The following RNF180 variants were observed in gnomAD, a reference collection of about 807,000 sequenced individuals.
The protein encoded by RNF180 is ring finger protein 180.
A neutral mutation model predicts 59.2 loss-of-function variants in RNF180; 38 were observed. That is an observed-to-expected ratio of 0.64 (90% CI 0.50 to 0.84). The LOEUF is 0.84. Among genes scored for constraint, RNF180 ranks in the 40% least tolerant of loss-of-function variants. RNF180 has a pLI of 0.00. For missense variants in RNF180, 705 were observed against 700.9 expected, an observed-to-expected ratio of 1.01 and a Z score of -0.07; for synonymous variants, 262 against 240.3, an observed-to-expected ratio of 1.09 and a Z score of -0.84.
intron 2 of RNF180, among the ~76,000 whole-genome samples, chr5:64,209,535 T>C (rs537791602): frequency 1.4e-5 from 2 of 146,062 alleles, no homozygotes; most frequent in Admixed American, 7.0e-5. Context: ...GTCAACACTG[T>C]GTTTAGTAAT....
chr5:64,258,348 T>C (rs776900848), intron 5 of RNF180, among the ~76,000 whole-genome samples: 4 of 152,104 alleles, frequency 2.6e-5, no homozygotes, highest in Non-Finnish European at 5.9e-5. Context: ...GTATGGAGGA[T>C]GAATGTGGGA....
At chr5:64,365,579 GT>G (rs1175386132) in intron 7 of RNF180, among the ~76,000 whole-genome samples, 1 of 151,658 alleles carries the variant, frequency 6.6e-6, no homozygotes, top group Non-Finnish European at 1.5e-5. Flanking sequence ...TTTCAGTGGG[GT>G]GTTGATGGCT....
chr5:64,235,678 C>T (rs1431558734), intron 5 of RNF180, among the ~76,000 whole-genome samples: 3 of 151,950 alleles, frequency 2.0e-5, no homozygotes, highest in South Asian at 2.1e-4. Context: ...GTAATCCCCA[C>T]GTGGGAGGGG....
chr5:64,185,345 G>A (rs887416376), intron 1 of RNF180, among the ~76,000 whole-genome samples: 2 of 151,992 alleles, frequency 1.3e-5, no homozygotes, highest in South Asian at 4.1e-4. Flanking sequence ...AAATAAATAT[G>A]ATAATTCATT....
At chr5:64,202,734 G>A (rs779143715) in intron 2 of RNF180, among the ~76,000 whole-genome samples, 3 of 152,086 alleles carry the variant, frequency 2.0e-5, no homozygotes, top group Non-Finnish European at 4.4e-5. Context: ...ATGATGTAGC[G>A]TACTTTTTTA....
intron 5 of RNF180, among the ~76,000 whole-genome samples, chr5:64,234,927 A>G (rs1742342980): frequency 6.6e-6 from 1 of 151,970 alleles, no homozygotes; most frequent in South Asian, 2.1e-4. Context: ...TTAATTCTAC[A>G]TAATGTTTTT....
intron 5 of RNF180, among the ~76,000 whole-genome samples, chr5:64,281,906 T>A (rs1461027183): frequency 6.6e-6 from 1 of 152,192 alleles, no homozygotes; most frequent in Admixed American, 6.5e-5. Context: ...TGAATCGCAT[T>A]TATTGATTTG....
At chr5:64,173,920 T>C (rs1283782434) in intron 1 of RNF180, among the ~76,000 whole-genome samples, 1 of 152,090 alleles carries the variant, frequency 6.6e-6, no homozygotes, top group Non-Finnish European at 1.5e-5. Context: ...TTCACCATCT[T>C]GGTCAGGCTG....
At chr5:64,303,939 G>A (rs1310966533) in intron 5 of RNF180, among the ~76,000 whole-genome samples, 1 of 151,602 alleles carries the variant, frequency 6.6e-6, no homozygotes, top group Non-Finnish European at 1.5e-5. Context: ...TCTTGCTAGG[G>A]GCTAATGCAG....
Position 64,369,678 on chromosome 5 carries a change from A to G in RNF180, c.1643A>G (p.Asp548Gly). 5.2e-6 allele frequency: 8 copies of G among 1,547,412 alleles called. No individual in the cohort carries two copies. The highest frequency in any genetic ancestry group is 2.5e-5 in the East Asian group (1 of 40,732). ...RQFPHGAHRM[D>G]YLHFEDDSRG... ...TTCCCACACGGTGCACACAGGATGG[A>G]TTACCTGCACTTTGAGGATGATAGC... The change falls in exon 8 of 8, where the codon GAT (aspartate) becomes GGT (glycine). Residue 548 changes from aspartate (D) to glycine (G), a missense_variant. Coordinates refer to ENST00000389100, the MANE Select transcript of RNF180 (RefSeq NM_001113561.2).
intron 1 of RNF180, among the ~76,000 whole-genome samples, chr5:64,193,927 T>C (rs1459302188): frequency 6.6e-6 from 1 of 152,028 alleles, no homozygotes; most frequent in Non-Finnish European, 1.5e-5. Flanking sequence ...CCTACTGTTA[T>C]CAAACAGAGG....
At chr5:64,368,017 A>C (rs184750190) in intron 7 of RNF180, among the ~76,000 whole-genome samples, 54 of 151,884 alleles carry the variant, frequency 3.6e-4, no homozygotes, top group African/African-American at 1.0e-3. Context: ...TCAAGCTCTA[A>C]TTAGCATGTA....
intron 5 of RNF180, among the ~76,000 whole-genome samples, chr5:64,287,575 C>CT (rs1204014750): frequency 1.1e-4 from 16 of 152,192 alleles, no homozygotes. Flanking sequence ...TCTCCACAAC[C>CT]TTGCCAGCAT....
chr5:64,174,176 A>G (rs193049616), intron 1 of RNF180, among the ~76,000 whole-genome samples: 1 of 152,304 alleles, frequency 6.6e-6, no homozygotes, highest in East Asian at 1.9e-4. Flanking sequence ...CATTGTGTAT[A>G]TATACCACAT....
intron 7 of RNF180, among the ~76,000 whole-genome samples, chr5:64,349,410 CTT>C (rs57419146): frequency 4.0e-4 from 56 of 139,238 alleles, no homozygotes; most frequent in African/African-American, 1.3e-3. Flanking sequence ...AGTCTTCTTT[CTT>C]TTTTTTTTTT....
intron 5 of RNF180, among the ~76,000 whole-genome samples, chr5:64,285,701 G>A (rs1742248464): frequency 1.3e-5 from 2 of 152,034 alleles, no homozygotes; most frequent in African/African-American, 2.4e-5. Flanking sequence ...GAGATAGAGG[G>A]TGCTCAGATT....
At chr5:64,312,724 C>T (rs1743833745) in intron 5 of RNF180, among the ~76,000 whole-genome samples, 1 of 151,996 alleles carries the variant, frequency 6.6e-6, no homozygotes, top group African/African-American at 2.4e-5. Context: ...GTAGGTGGTA[C>T]CAAAATCACA....
At chr5:64,282,060 C>A (rs1053824607) in intron 5 of RNF180, among the ~76,000 whole-genome samples, 5 of 152,000 alleles carry the variant, frequency 3.3e-5, no homozygotes, top group African/African-American at 9.7e-5. Context: ...TTGCCCTGAA[C>A]TTCTCTTTTT....
intron 7 of RNF180, among the ~76,000 whole-genome samples, chr5:64,365,048 G>C (rs1746395742): frequency 6.7e-6 from 1 of 148,586 alleles, no homozygotes; most frequent in Admixed American, 6.7e-5. Context: ...AATGCTTTTT[G>C]TGTCTGTCTC....
Sources: allele counts gnomAD v4.1 joint callset (sites outside exome capture counted in the v4.1 genomes callset), GRCh38; gene constraint gnomAD v4.1.1; transcripts MANE v1.5; gene names NCBI Gene and HGNC (gene_info 2026-07-23, HGNC 2026-07-21).